Variants in DAB1 observed in about 807,000 individuals in gnomAD.
The protein encoded by DAB1 is DAB adaptor protein 1.
A neutral mutation model predicts 64.6 loss-of-function variants in DAB1; 15 were observed. The ratio of observed to expected loss-of-function variants is 0.23; its 90% CI spans 0.16 to 0.36. DAB1 has a LOEUF of 0.36. Among genes scored for constraint, DAB1 ranks in the 10% least tolerant of loss-of-function variants. The probability of loss-of-function intolerance (pLI) is 1.00; values close to 1 mark genes in which losing one functional copy is unlikely to be tolerated. For synonymous variants in DAB1, 235 were observed against 251.9 expected, an observed-to-expected ratio of 0.93 and a Z score of 0.64; for missense variants, 596 against 706.7, an observed-to-expected ratio of 0.84 and a Z score of 1.78.
At chr1:58,214,579 G>T (rs1278168882) in intron 4 of DAB1, among the ~76,000 whole-genome samples, 1 of 152,160 alleles carries the variant, frequency 6.6e-6, no homozygotes, top group Non-Finnish European at 1.5e-5. Flanking sequence ...CCACTGGATT[G>T]AGCAACATAG....
At chr1:57,585,029 T>C (rs775218931) in intron 7 of DAB1, among the ~76,000 whole-genome samples, 3 of 152,114 alleles carry the variant, frequency 2.0e-5, no homozygotes, top group Non-Finnish European at 4.4e-5. Flanking sequence ...GGTGGGCAGA[T>C]CACAAGGTCA....
intron 2 of DAB1, among the ~76,000 whole-genome samples, chr1:57,180,535 T>C (rs1416864205): frequency 1.3e-5 from 2 of 152,196 alleles, no homozygotes; most frequent in Non-Finnish European, 2.9e-5. Flanking sequence ...AAAGATTTTC[T>C]GAAGTAATTT....
At chr1:58,174,633 GGGT>G (rs1303161671) in intron 4 of DAB1, among the ~76,000 whole-genome samples, 2 of 152,186 alleles carry the variant, frequency 1.3e-5, no homozygotes, top group African/African-American at 4.8e-5. Flanking sequence ...CTTCTGGGTC[GGGT>G]GGGGACTTGG....
intron 4 of DAB1, among the ~76,000 whole-genome samples, chr1:58,238,619 C>A (rs1660154264): frequency 6.6e-6 from 1 of 152,144 alleles, no homozygotes; most frequent in South Asian, 2.1e-4. Context: ...GATTAGTAAA[C>A]AAATGTGTGA....
intron 2 of DAB1, among the ~76,000 whole-genome samples, chr1:57,206,950 T>C (rs1665591602): frequency 1.4e-5 from 2 of 139,818 alleles, no homozygotes; most frequent in African/African-American, 5.2e-5. Flanking sequence ...TTTCTCTTTC[T>C]CTTTCTTTCC....
chr1:58,248,242 C>T (rs966886212), intron 4 of DAB1, among the ~76,000 whole-genome samples: 9 of 152,174 alleles, frequency 5.9e-5, no homozygotes, highest in East Asian at 1.9e-4. Flanking sequence ...TAAGCCCTGG[C>T]GAGCCCCCAT....
chr1:58,440,300 G>T (rs1440890049), intron 3 of DAB1, among the ~76,000 whole-genome samples: 1 of 152,162 alleles, frequency 6.6e-6, no homozygotes, highest in Non-Finnish European at 1.5e-5. Flanking sequence ...GCTGGGCATT[G>T]GGCTAGATGC....
intron 5 of DAB1, among the ~76,000 whole-genome samples, chr1:58,097,151 A>G (rs1164567339): frequency 6.6e-6 from 1 of 152,182 alleles, no homozygotes; most frequent in Non-Finnish European, 1.5e-5. Flanking sequence ...CATGCTTTAC[A>G]TTTATCAACA....
intron 4 of DAB1, among the ~76,000 whole-genome samples, chr1:58,242,188 A>G (rs1660326528): frequency 6.6e-6 from 1 of 152,100 alleles, no homozygotes; most frequent in Admixed American, 6.6e-5. Flanking sequence ...GATGACAGGG[A>G]GAATAGTTTT....
intron 2 of DAB1, among the ~76,000 whole-genome samples, chr1:57,267,079 T>G (rs1018682712): frequency 1.3e-5 from 2 of 152,094 alleles, no homozygotes; most frequent in Non-Finnish European, 2.9e-5. Context: ...GTAATTAAAT[T>G]AAGAATCTTG....
At chr1:58,027,898 C>T (rs571079646) in intron 5 of DAB1, among the ~76,000 whole-genome samples, 30 of 152,154 alleles carry the variant, frequency 2.0e-4, no homozygotes, top group South Asian at 4.2e-4. Flanking sequence ...ATTTAATTCC[C>T]CTATGTGGAA....
intron 2 of DAB1, among the ~76,000 whole-genome samples, chr1:57,156,782 C>T (rs12034636): frequency 6.6e-6 from 1 of 152,096 alleles, no homozygotes; most frequent in East Asian, 1.9e-4. Flanking sequence ...TGATCATCTC[C>T]TAACCGGGGG....
At chr1:57,129,437 T>C (rs1379298695) in intron 4 of DAB1, among the ~76,000 whole-genome samples, 1 of 152,126 alleles carries the variant, frequency 6.6e-6, no homozygotes, top group Non-Finnish European at 1.5e-5. Flanking sequence ...AAAATAGATC[T>C]GGGGCAGCCA....
chr1:57,083,595 C>T (rs1270031009), intron 4 of DAB1, among the ~76,000 whole-genome samples: 2 of 152,158 alleles, frequency 1.3e-5, no homozygotes, highest in East Asian at 3.9e-4. Context: ...TGAAATTAAC[C>T]TCTGCCTTGG....
At chr1:57,051,992 C>T (rs1188634746) in intron 9 of DAB1, among the ~76,000 whole-genome samples, 1 of 152,056 alleles carries the variant, frequency 6.6e-6, no homozygotes, top group Non-Finnish European at 1.5e-5. Context: ...ATTGTTTGGG[C>T]CCCTGACTCA....
intron 5 of DAB1, among the ~76,000 whole-genome samples, chr1:57,984,184 AAAAGAAAGAAAG>A (rs557402048): frequency 0.028 from 1,402 of 50,564 alleles, 51 homozygotes; most frequent in African/African-American, 0.033. Flanking sequence ...TAGCTTAAAA[AAAAGAAAGAAAG>A]AAAGAAAGAA....
intron 2 of DAB1, among the ~76,000 whole-genome samples, chr1:57,240,507 T>C (rs554950725): frequency 1.3e-5 from 2 of 152,076 alleles, no homozygotes; most frequent in Non-Finnish European, 2.9e-5. Context: ...ATGCCAGCAT[T>C]ATTATCCCTA....
At chr1:57,394,829 A>G (rs1480075337) in intron 1 of DAB1, among the ~76,000 whole-genome samples, 2 of 152,172 alleles carry the variant, frequency 1.3e-5, no homozygotes, top group Non-Finnish European at 2.9e-5. Flanking sequence ...AACTTATTTG[A>G]CCAAAGGAAA....
At chr1:58,453,390 A>G (rs968313611) in intron 3 of DAB1, among the ~76,000 whole-genome samples, 4 of 152,190 alleles carry the variant, frequency 2.6e-5, no homozygotes, top group African/African-American at 9.7e-5. Context: ...ATAATTGAGA[A>G]CAGCAATAAT....
Sources: allele counts gnomAD v4.1 joint callset (sites outside exome capture counted in the v4.1 genomes callset), GRCh38; gene constraint gnomAD v4.1.1; transcripts MANE v1.5; gene names NCBI Gene and HGNC (gene_info 2026-07-23, HGNC 2026-07-21).